Variants in BTBD16 observed in about 807,000 individuals in gnomAD.
The protein encoded by BTBD16 is BTB/POZ domain-containing protein 16.
BTBD16 carries 66 observed loss-of-function variants against 67.4 expected under a neutral mutation model. The observed-to-expected ratio is 0.98, with a 90% CI of 0.80 to 1.20. The LOEUF is 1.20. Ranked by LOEUF, BTBD16 falls within the 50% of genes most tolerant of loss-of-function variation. BTBD16 has a pLI of 0.00. For synonymous variants in BTBD16, 242 were observed against 236.4 expected, an observed-to-expected ratio of 1.02 and a Z score of -0.22; for missense variants, 634 against 616.0, an observed-to-expected ratio of 1.03 and a Z score of -0.31.
intron 9 of BTBD16, among the ~76,000 whole-genome samples, chr10:122,299,950 T>C (rs890168509): frequency 6.6e-6 from 1 of 152,122 alleles, no homozygotes; most frequent in African/African-American, 2.4e-5. Context: ...CCCCTGAAAC[T>C]TCCCTGATGA....
intron 1 of BTBD16, among the ~76,000 whole-genome samples, chr10:122,274,490 C>G (rs1057160609): frequency 6.6e-5 from 10 of 151,234 alleles, no homozygotes; most frequent in African/African-American, 2.4e-4. Context: ...TCCAATCAAT[C>G]TTAACCTCCC....
chr10:122,332,366 A>G lies in BTBD16; in HGVS notation c.1087-70A>G, dbSNP rs1447986575. On this transcript the variant is annotated intron_variant, in intron 12 of 15. Coordinates refer to ENST00000260723, the MANE Select transcript of BTBD16 (RefSeq NM_144587.5). ...GGGGGGCAGGGGTCAAGGAAGAGGC[A>G]TGAAGATGAAGAGAGGCGCTCGTGT... The G allele has an allele frequency of 3.4e-6, 5 of 1,460,728 alleles. No homozygotes were observed. In the Admixed American group the frequency reaches 8.9e-5, roughly 26 times the overall value. 90.5% of individuals were successfully genotyped at this position (1,460,728 alleles called of 1,614,324 possible).
intron 9 of BTBD16, among the ~76,000 whole-genome samples, chr10:122,305,151 T>G (rs2096401374): frequency 6.6e-6 from 1 of 152,252 alleles, no homozygotes; most frequent in African/African-American, 2.4e-5. Flanking sequence ...GCTGATTCTT[T>G]TCTTTCTTTC....
chr10:122,307,377 C>T, intron 10 of BTBD16, 69 bp downstream of exon 10: 1 of 1,431,968 alleles, frequency 7.0e-7, no homozygotes, highest in South Asian at 1.5e-5. Flanking sequence ...CTCATAATAT[C>T]ACGGGGGAAA....
intron 10 of BTBD16, among the ~76,000 whole-genome samples, chr10:122,319,515 T>G (rs1485694856): frequency 6.6e-6 from 1 of 152,186 alleles, no homozygotes; most frequent in Non-Finnish European, 1.5e-5. Context: ...TTGGCACCGT[T>G]GTCAAACATC....
chr10:122,285,692 C>A (rs2096362268), intron 4 of BTBD16, among the ~76,000 whole-genome samples: 1 of 152,112 alleles, frequency 6.6e-6, no homozygotes, highest in Admixed American at 6.5e-5. Context: ...CGTATCTGGC[C>A]CAAAATGTTT....
intron 10 of BTBD16, among the ~76,000 whole-genome samples, chr10:122,310,671 G>C (rs2096412188): frequency 6.6e-6 from 1 of 152,218 alleles, no homozygotes; most frequent in Non-Finnish European, 1.5e-5. Flanking sequence ...GAAATGAGAA[G>C]AGAGGGAGCA....
intron 9 of BTBD16, among the ~76,000 whole-genome samples, chr10:122,302,477 C>T (rs1590069935): frequency 6.6e-6 from 1 of 152,250 alleles, no homozygotes; most frequent in South Asian, 2.1e-4. Context: ...TACCTTGCGA[C>T]CAGGGGCACT....
chr10:122,337,265 A>T (rs1348906486), intron 15 of BTBD16, among the ~76,000 whole-genome samples: 1 of 152,202 alleles, frequency 6.6e-6, no homozygotes, highest in African/African-American at 2.4e-5. Flanking sequence ...CACCCAGATC[A>T]CCAGACCAGA....
At chr10:122,290,706 T>C (rs1291199292) in intron 6 of BTBD16, among the ~76,000 whole-genome samples, 1 of 151,924 alleles carries the variant, frequency 6.6e-6, no homozygotes, top group Non-Finnish European at 1.5e-5. Context: ...CTGTAAGATA[T>C]ATGTTGTCTC....
In BTBD16 at chr10:122,329,581, A is replaced by G. The variant is rs760186952; in HGVS notation, c.1003+10A>G. On this transcript the variant is annotated intron_variant, in intron 11 of 15. Coordinates refer to ENST00000260723, the MANE Select transcript of BTBD16 (RefSeq NM_144587.5). ...CACGGCATCACCAAAGGTAAGCCCC[A>G]GTCCAGGCGAGCGCATCCACGGGAA... is the stretch of plus-strand genomic sequence containing the variant. 4.3e-6 allele frequency: 7 copies of G among 1,612,074 alleles called. No homozygotes were observed. In the African/African-American group the frequency reaches 6.7e-5, roughly 15 times the overall value.
At chr10:122,336,235 G>A (rs1393260271) in intron 14 of BTBD16, among the ~76,000 whole-genome samples, 1 of 152,146 alleles carries the variant, frequency 6.6e-6, no homozygotes, top group Non-Finnish European at 1.5e-5. Context: ...TCTGGCAAAG[G>A]CATCATAAAG....
chr10:122,331,145 TA>T (rs759381608), intron 11 of BTBD16, 30 bp from the exon 12 acceptor site: 38 of 1,603,528 alleles, frequency 2.4e-5, no homozygotes, highest in Non-Finnish European at 3.2e-5. Context: ...TGAATAAAAC[TA>T]AAAAACATTC....
intron 3 of BTBD16, among the ~76,000 whole-genome samples, chr10:122,280,297 A>G (rs2096350072): frequency 6.6e-6 from 1 of 152,214 alleles, no homozygotes; most frequent in Non-Finnish European, 1.5e-5. Flanking sequence ...CCTGGGGTCC[A>G]CAGGCGTGTA....
chr10:122,279,511 A>AACACACACACAC (rs143637448), intron 3 of BTBD16, among the ~76,000 whole-genome samples: 18,283 of 143,808 alleles, frequency 0.13, 1,422 homozygotes, highest in South Asian at 0.29. Flanking sequence ...GAGAAAGAGA[A>AACACACACACAC]ACACACACAC....
At chr10:122,318,301 G>A (rs571635989) in intron 10 of BTBD16, among the ~76,000 whole-genome samples, 120 of 152,252 alleles carry the variant, frequency 7.9e-4, no homozygotes, top group African/African-American at 2.6e-3. Context: ...ATTCACCCAT[G>A]TTGTTGCATG....
At chr10:122,280,375 G>C (rs1189696459) in intron 3 of BTBD16, among the ~76,000 whole-genome samples, 1 of 152,002 alleles carries the variant, frequency 6.6e-6, no homozygotes, top group Non-Finnish European at 1.5e-5. Flanking sequence ...AGACTGGGGA[G>C]GGGGCACCCC....
intron 10 of BTBD16, among the ~76,000 whole-genome samples, chr10:122,313,612 T>C (rs917223848): frequency 1.3e-5 from 2 of 152,208 alleles, no homozygotes; most frequent in African/African-American, 4.8e-5. Flanking sequence ...GCCATGTGGA[T>C]ATTCTCCTAT....
intron 11 of BTBD16, 82 bp from the exon 12 acceptor site, chr10:122,331,094 T>G (rs2096454314): frequency 6.5e-7 from 1 of 1,544,304 alleles, no homozygotes; most frequent in Non-Finnish European, 8.7e-7. Context: ...CCGGACTTCT[T>G]CCTTTTCCTT....
Sources: allele counts gnomAD v4.1 joint callset (sites outside exome capture counted in the v4.1 genomes callset), GRCh38; gene constraint gnomAD v4.1.1; transcripts MANE v1.5; gene names NCBI Gene and HGNC (gene_info 2026-07-23, HGNC 2026-07-21).